The following KATNIP variants were observed in gnomAD, a reference collection of about 807,000 sequenced individuals.
KATNIP encodes the protein katanin interacting protein, also known as katanin-interacting protein.
KATNIP carries 126 observed loss-of-function variants against 174.0 expected under a neutral mutation model. The observed-to-expected ratio is 0.72, with a 90% CI of 0.63 to 0.84. KATNIP has a LOEUF of 0.84. Among genes scored for constraint, KATNIP ranks in the 40% least tolerant of loss-of-function variants. The pLI is 0.00. For missense variants in KATNIP, 1,958 were observed against 2,109.7 expected (o/e 0.93, Z 1.41); for synonymous variants, 810 against 835.7 (o/e 0.97, Z 0.53).
rs150295999 is a variant in KATNIP, at chr16:27,557,323, G to A, written c.7+7146G>A. Reference sequence around the variant, plus strand: ...CGCCCAACTAATTTTTGCATTTTTAGTACAGACGGGGTTTCACCATGTTGC... The same window carrying A: ...CGCCCAACTAATTTTTGCATTTTTAATACAGACGGGGTTTCACCATGTTGC... On this transcript the variant is annotated intron_variant, in intron 1 of 27. Transcript: ENST00000261588. 5.4e-3 allele frequency among the ~76,000 whole-genome samples: 824 copies of A among 151,954 alleles called. 12 individuals carry two copies. The highest frequency in any genetic ancestry group is 0.019 in the African/African-American group (789 of 41,446).
At chr16:27,632,663 G>A in intron 5 of KATNIP, 1 of 455,880 alleles carries the variant, frequency 2.2e-6, no homozygotes, top group Non-Finnish European at 4.4e-6. Flanking sequence ...ACAGAAGGGA[G>A]GGGCAGCAGG....
chr16:27,739,881 G>A (rs2143525657), intron 14 of KATNIP, among the ~76,000 whole-genome samples, 160 bp from the exon 15 acceptor site: 1 of 152,324 alleles, frequency 6.6e-6, no homozygotes, highest in East Asian at 1.9e-4. Context: ...ACAGAAATGA[G>A]ACCAAGCCTA....
chr16:27,672,050 C>G (rs995191584), intron 6 of KATNIP, among the ~76,000 whole-genome samples: 6 of 152,044 alleles, frequency 3.9e-5, no homozygotes, highest in African/African-American at 1.4e-4. Flanking sequence ...GAGCAAAAAT[C>G]CGTCTCAAAA....
At chr16:27,562,348 C>G (rs1465615830) in intron 1 of KATNIP, among the ~76,000 whole-genome samples, 1 of 152,088 alleles carries the variant, frequency 6.6e-6, no homozygotes, top group Non-Finnish European at 1.5e-5. Flanking sequence ...ATAGGACCTT[C>G]CCATAAGGCT....
chr16:27,700,644 CAG>C (rs1462048074), intron 10 of KATNIP, among the ~76,000 whole-genome samples: 1 of 152,174 alleles, frequency 6.6e-6, no homozygotes. Flanking sequence ...GCACCAGCAA[CAG>C]GGAACGGCAT....
At chr16:27,730,001 C>G (rs953953748) in intron 14 of KATNIP, among the ~76,000 whole-genome samples, 4 of 152,254 alleles carry the variant, frequency 2.6e-5, no homozygotes, top group African/African-American at 9.6e-5. Flanking sequence ...CAAGCCCAGG[C>G]GTTGTGCTGG....
In KATNIP at chr16:27,704,875, G is replaced by A. The variant is rs190935742; in HGVS notation, c.1389+877G>A. ...TGGCATCAGAGTGGTAGGATTAACGGTGATTCGATTTTCGTTCTTTTCTTT... is the reference window on the plus strand; with the variant it reads ...TGGCATCAGAGTGGTAGGATTAACGATGATTCGATTTTCGTTCTTTTCTTT... On this transcript the variant is annotated intron_variant, in intron 12 of 27. Coordinates refer to ENST00000261588, the MANE Select transcript of KATNIP (RefSeq NM_015202.5). Among the ~76,000 whole-genome samples, 3 of 151,466 alleles carry A rather than the reference G, an allele frequency of 2.0e-5. No homozygotes were observed. In the East Asian group the frequency reaches 5.8e-4, roughly 29 times the overall value.
chr16:27,708,558 G>A (rs1172299630), intron 12 of KATNIP, 147 bp from the exon 13 acceptor site: 2 of 600,150 alleles, frequency 3.3e-6, no homozygotes, highest in Admixed American at 3.1e-5. Context: ...CATAGGTAGT[G>A]GGTGCTATTC....
rs146695542 is a variant in KATNIP at position 27,618,517 on chromosome 16, C to T, written c.140+16C>T. On this transcript the variant is annotated intron_variant, in intron 3 of 27. Coordinates refer to ENST00000261588, the MANE Select transcript of KATNIP (RefSeq NM_015202.5). ...AGAGGAACCGGTAAGAGAAGCCACT[C>T]GACGGCAGCCCTTGATATTAGCGAA... The T allele has an allele frequency of 2.7e-4, 418 of 1,561,322 alleles. No homozygotes were observed. In the African/African-American group the frequency reaches 3.8e-3, roughly 14 times the overall value.
At chr16:27,704,595 A>T (rs1567323159) in intron 12 of KATNIP, among the ~76,000 whole-genome samples, 1 of 151,836 alleles carries the variant, frequency 6.6e-6, no homozygotes, top group African/African-American at 2.4e-5. Flanking sequence ...TAGGGAAGAC[A>T]TTTTTTTTTA....
chr16:27,723,213 C>T (rs2080308566), intron 14 of KATNIP, among the ~76,000 whole-genome samples: 1 of 152,172 alleles, frequency 6.6e-6, no homozygotes, highest in African/African-American at 2.4e-5. Context: ...CTGCTTCAAA[C>T]CCTCAGAGCT....
At chr16:27,626,593 T>A (rs927951591) in intron 3 of KATNIP, among the ~76,000 whole-genome samples, 3 of 152,166 alleles carry the variant, frequency 2.0e-5, no homozygotes, top group African/African-American at 7.2e-5. Flanking sequence ...ATAATAGCTA[T>A]GTGACCTTGG....
intron 8 of KATNIP, among the ~76,000 whole-genome samples, chr16:27,697,150 T>C (rs1285074961): frequency 6.6e-6 from 1 of 152,240 alleles, no homozygotes; most frequent in Non-Finnish European, 1.5e-5. Flanking sequence ...GGATGATTTA[T>C]ATTCCTTTGG....
intron 1 of KATNIP, among the ~76,000 whole-genome samples, chr16:27,554,273 G>A (rs1177754676): frequency 2.0e-5 from 3 of 152,116 alleles, no homozygotes; most frequent in Admixed American, 1.3e-4. Flanking sequence ...GACTAGCCTG[G>A]CCAACATGGT....
At chr16:27,769,175 C>G (rs1434177442) in intron 20 of KATNIP, among the ~76,000 whole-genome samples, 1 of 152,206 alleles carries the variant, frequency 6.6e-6, no homozygotes, top group Admixed American at 6.5e-5. Flanking sequence ...GTTCCAGGCC[C>G]TGAGGCAGAC....
At chr16:27,734,481 C>T (rs1245089144) in intron 14 of KATNIP, among the ~76,000 whole-genome samples, 1 of 151,374 alleles carries the variant, frequency 6.6e-6, no homozygotes, top group East Asian at 1.9e-4. Flanking sequence ...GACGGATCAC[C>T]TGAGGTCAGG....
At chr16:27,759,983 C>T (rs940078953) in intron 18 of KATNIP, among the ~76,000 whole-genome samples, 3 of 152,060 alleles carry the variant, frequency 2.0e-5, no homozygotes, top group Non-Finnish European at 2.9e-5. Context: ...CTTGGCACCA[C>T]GAAGGAGGAA....
chr16:27,631,543 TAA>T (rs80028032), intron 5 of KATNIP, among the ~76,000 whole-genome samples: 17 of 119,370 alleles, frequency 1.4e-4, no homozygotes, highest in African/African-American at 1.5e-4. Context: ...AGAGCCTGTC[TAA>T]AAAAAAAAAA....
At chr16:27,656,546 CCAA>C (rs1487132615) in intron 6 of KATNIP, among the ~76,000 whole-genome samples, 1 of 151,386 alleles carries the variant, frequency 6.6e-6, no homozygotes, top group Non-Finnish European at 1.5e-5. Flanking sequence ...ACCCAAATGT[CCAA>C]CAACGATAGA....
Sources: gnomAD v4.1 joint callset for allele counts (sites outside exome capture counted in the v4.1 genomes callset) on GRCh38, gnomAD v4.1.1 for gene constraint, MANE v1.5 for transcripts, NCBI Gene and HGNC (gene_info 2026-07-23, HGNC 2026-07-21) for gene names.